The following TMC1 variants were observed in gnomAD, a reference collection of about 807,000 sequenced individuals.
TMC1 encodes the protein transmembrane channel-like protein 1.
In TMC1, 84 loss-of-function variants were observed where a neutral mutation model predicts 105.8. The observed-to-expected ratio is 0.79, with a 90% CI of 0.67 to 0.95. TMC1 has a LOEUF of 0.95. Ranked by LOEUF, TMC1 falls within the 40% of genes least tolerant of loss-of-function variation. The pLI is 0.00. For synonymous variants in TMC1, 315 were observed against 311.5 expected (o/e 1.01, Z -0.12); for missense variants, 817 against 914.1 (o/e 0.89, Z 1.37).
intron 4 of TMC1, among the ~76,000 whole-genome samples, chr9:72,628,620 T>A (rs1825393760): frequency 6.6e-6 from 1 of 152,226 alleles, no homozygotes. Context: ...AAGGGGAAAG[T>A]AGAGCATGTT....
chr9:72,671,187 G>A (rs954205100), intron 5 of TMC1, among the ~76,000 whole-genome samples: 1 of 152,184 alleles, frequency 6.6e-6, no homozygotes, highest in African/African-American at 2.4e-5. Context: ...AATACAATGG[G>A]GTTATGATCT....
intron 5 of TMC1, among the ~76,000 whole-genome samples, chr9:72,652,761 A>G (rs991032044): frequency 3.9e-5 from 6 of 152,212 alleles, no homozygotes; most frequent in Admixed American, 1.3e-4. Flanking sequence ...TTTTCCTTCA[A>G]TGTATCAATA....
chr9:72,782,949 T>C (rs183539575), intron 13 of TMC1, among the ~76,000 whole-genome samples: 1 of 152,076 alleles, frequency 6.6e-6, no homozygotes, highest in African/African-American at 2.4e-5. Flanking sequence ...AACATTCATA[T>C]GGAACCCAAA....
Position 72,694,619 on chromosome 9 carries a change from T to G in TMC1, c.141T>G (p.Asp47Glu), listed in dbSNP as rs140388347. The G allele has an allele frequency of 6.2e-7, 1 of 1,612,932 alleles. No homozygotes were observed. Among genetic ancestry groups the G allele is most frequent in the Non-Finnish European group, 8.5e-7 (1 of 1,179,490 alleles). Reference sequence around the variant, plus strand: ...GACCAAAGAGGAAACGGACCAGAGATGTTATCAATGAGGATGACCCAGAAC... The same window carrying G: ...GACCAAAGAGGAAACGGACCAGAGAGGTTATCAATGAGGATGACCCAGAAC... ...SLRPKRKRTR[D>E]VINEDDPEPE... The change falls in exon 7 of 24, where the codon GAT becomes GAG. Residue 47 changes from aspartate to glutamate, a missense_variant. Coordinates refer to ENST00000297784, the MANE Select transcript of TMC1 (RefSeq NM_138691.3).
intron 15 of TMC1, 78 bp from the exon 16 acceptor site, chr9:72,791,808 A>C: frequency 7.9e-7 from 1 of 1,260,372 alleles, no homozygotes; most frequent in Non-Finnish European, 1.2e-6. Flanking sequence ...CTAGCTCAGA[A>C]TCTTCCAAAA....
chr9:72,780,879 G>T (rs149969145), intron 13 of TMC1, among the ~76,000 whole-genome samples: 66 of 152,184 alleles, frequency 4.3e-4, no homozygotes, highest in African/African-American at 1.6e-3. Context: ...AGAGAGTTCT[G>T]CACCTTACTG....
chr9:72,795,498 T>G (rs1032338630), intron 17 of TMC1, among the ~76,000 whole-genome samples: 11 of 152,092 alleles, frequency 7.2e-5, no homozygotes, highest in African/African-American at 2.7e-4. Context: ...TATTCAACAT[T>G]CTTAAAGAAA....
At chr9:72,526,023 T>G (rs1458855652) in intron 1 of TMC1, among the ~76,000 whole-genome samples, 3 of 151,926 alleles carry the variant, frequency 2.0e-5, no homozygotes, top group Non-Finnish European at 4.4e-5. Flanking sequence ...ACAGACTAAG[T>G]AAGCATTATT....
chr9:72,806,214 G>A (rs1424484498), intron 18 of TMC1, among the ~76,000 whole-genome samples: 1 of 132,326 alleles, frequency 7.6e-6, no homozygotes, highest in Non-Finnish European at 1.8e-5. Context: ...CGGCTGGCCG[G>A]GCAGGGGGCT....
chr9:72,615,235 T>C (rs1235337405), intron 2 of TMC1, among the ~76,000 whole-genome samples: 1 of 152,210 alleles, frequency 6.6e-6, no homozygotes, highest in Non-Finnish European at 1.5e-5. Context: ...ATTCTCCTGG[T>C]AAACTGGAGG....
Position 72,791,926 on chromosome 9 carries a change from C to T in TMC1, c.1265C>T (p.Thr422Ile), listed in dbSNP as rs868082421. The T allele has an allele frequency of 2.5e-6, 4 of 1,613,476 alleles. No individual in the cohort carries two copies. The African/African-American group carries it at 4.0e-5, about 16-fold the overall frequency. Residue 422 changes from threonine to isoleucine, a missense_variant, in exon 16 of 24, where the codon ACA becomes ATA. Thr to Ile is a moderately conservative substitution (Grantham distance 89). Transcript: ENST00000297784. ...TCCCTCCTAGGGATGTTCTGTCCAA[C>T]ATTGTTTGACTTATTTGCTGAATTA... Reference protein sequence around the residue: ...VMSLLGMFCPTLFDLFAELED... With the variant: ...VMSLLGMFCPILFDLFAELED...
chr9:72,814,646 A>C (rs1828753727), intron 18 of TMC1, among the ~76,000 whole-genome samples: 1 of 152,178 alleles, frequency 6.6e-6, no homozygotes, highest in Admixed American at 6.5e-5. Flanking sequence ...GTTATGCCAT[A>C]CTTGCTCTTC....
At chr9:72,828,408 GGT>G (rs1188420046) in intron 21 of TMC1, among the ~76,000 whole-genome samples, 2 of 149,864 alleles carry the variant, frequency 1.3e-5, no homozygotes, top group East Asian at 3.9e-4. Context: ...GTATGAATGA[GGT>G]GTTGTTTAAA....
At chr9:72,555,978 A>G (rs1823931920) in intron 1 of TMC1, among the ~76,000 whole-genome samples, 1 of 45,238 alleles carries the variant, frequency 2.2e-5, no homozygotes, top group Non-Finnish European at 4.4e-5. Flanking sequence ...TAAGGCAAAA[A>G]AAAAAAAAAA....
intron 1 of TMC1, among the ~76,000 whole-genome samples, chr9:72,567,858 T>C (rs1824194180): frequency 1.3e-5 from 2 of 152,212 alleles, no homozygotes; most frequent in Non-Finnish European, 2.9e-5. Context: ...TTTGAATCAT[T>C]GTTCATTAAT....
At chr9:72,673,805 A>G (rs1346030470) in intron 5 of TMC1, among the ~76,000 whole-genome samples, 1 of 152,218 alleles carries the variant, frequency 6.6e-6, no homozygotes, top group Non-Finnish European at 1.5e-5. Flanking sequence ...ACGTATTCCA[A>G]GCTCTGACTG....
chr9:72,803,533 C>T (rs55686472), intron 17 of TMC1, among the ~76,000 whole-genome samples: 14,052 of 151,990 alleles, frequency 0.092, 715 homozygotes, highest in Non-Finnish European at 0.13. Flanking sequence ...AACAAATTTA[C>T]GAGAAAAAAA....
At position 72,836,053 on chromosome 9, in the gene TMC1, A is replaced by G; in HGVS notation, c.*80A>G. 6.6e-7 allele frequency: 1 copy of G among 1,516,424 alleles called. No individual in the cohort carries two copies. The highest frequency in any genetic ancestry group is 1.1e-5 in the South Asian group (1 of 89,288). The allele number at this position is 1,516,424 out of a possible 1,614,324, so 93.9% of individuals were successfully genotyped here. On this transcript the variant is annotated 3_prime_UTR_variant, in exon 24 of 24. Coordinates refer to ENST00000297784, the MANE Select transcript of TMC1 (RefSeq NM_138691.3). The stretch of plus-strand genomic sequence containing the variant: ...TGCAATATGTGAACGCCCAGAGAAC[A>G]AGCACTGTGGAACTGCTATTTTCCT...
At chr9:72,808,255 G>A (rs1485896145) in intron 18 of TMC1, among the ~76,000 whole-genome samples, 2 of 152,132 alleles carry the variant, frequency 1.3e-5, no homozygotes, top group African/African-American at 4.8e-5. Context: ...TCAAACATGG[G>A]CTGCTTTTTA....
Sources: gnomAD v4.1 joint callset for allele counts (sites outside exome capture counted in the v4.1 genomes callset) on GRCh38, gnomAD v4.1.1 for gene constraint, MANE v1.5 for transcripts, NCBI Gene and HGNC (gene_info 2026-07-23, HGNC 2026-07-21) for gene names.